The following SORCS2 variants were observed in gnomAD, a reference collection of about 807,000 sequenced individuals.
SORCS2 encodes the protein sortilin related VPS10 domain containing receptor 2.
SORCS2 carries 100 observed loss-of-function variants against 141.6 expected under a neutral mutation model. The ratio of observed to expected loss-of-function variants is 0.71; its 90% CI spans 0.60 to 0.83. SORCS2 has a LOEUF of 0.83. Ranked by LOEUF, SORCS2 falls within the 40% of genes least tolerant of loss-of-function variation. The probability of loss-of-function intolerance (pLI) is 0.00; values close to 1 mark genes in which losing one functional copy is unlikely to be tolerated. For missense variants in SORCS2, 1,646 were observed against 1,560.2 expected, an observed-to-expected ratio of 1.05 and a Z score of -0.93; for synonymous variants, 789 against 676.9, an observed-to-expected ratio of 1.17 and a Z score of -2.57.
At chr4:7,452,999 G>A (rs1398094634) in intron 2 of SORCS2, among the ~76,000 whole-genome samples, 4 of 103,426 alleles carry the variant, frequency 3.9e-5, no homozygotes, top group Non-Finnish European at 8.6e-5. Context: ...TCCGTGTTGG[G>A]GTCAGGCGCC....
At chr4:7,338,623 A>T (rs1190552940) in intron 1 of SORCS2, among the ~76,000 whole-genome samples, 1 of 152,148 alleles carries the variant, frequency 6.6e-6, no homozygotes, top group South Asian at 2.1e-4. Flanking sequence ...CTTTCTGTTC[A>T]GTCTCCTGCC....
At chr4:7,596,349 GT>G (rs1717276343) in intron 3 of SORCS2, among the ~76,000 whole-genome samples, 1 of 152,172 alleles carries the variant, frequency 6.6e-6, no homozygotes, top group Non-Finnish European at 1.5e-5. Context: ...TCTGGTTGAA[GT>G]GCCGACAGTG....
chr4:7,726,307 G>T (rs981383526), intron 20 of SORCS2, among the ~76,000 whole-genome samples: 1 of 152,226 alleles, frequency 6.6e-6, no homozygotes, highest in South Asian at 2.1e-4. Flanking sequence ...AAGGAAGGGG[G>T]TGCTGGGACC....
intron 1 of SORCS2, among the ~76,000 whole-genome samples, chr4:7,194,082 C>T (rs1350753247): frequency 6.6e-6 from 1 of 152,100 alleles, no homozygotes; most frequent in African/African-American, 2.4e-5. Flanking sequence ...TGGTGGGGCT[C>T]TAGTTTTGCA....
At chr4:7,466,650 C>A (rs1041521359) in intron 2 of SORCS2, among the ~76,000 whole-genome samples, 3 of 152,180 alleles carry the variant, frequency 2.0e-5, no homozygotes, top group Non-Finnish European at 4.4e-5. Context: ...CAGGCAGTAG[C>A]TGGTGAGGAC....
intron 3 of SORCS2, among the ~76,000 whole-genome samples, chr4:7,555,828 A>C (rs758523928): frequency 1.6e-4 from 24 of 152,142 alleles, no homozygotes; most frequent in Admixed American, 5.9e-4. Flanking sequence ...AAAGGTCCTG[A>C]GGCTGGAGAG....
chr4:7,194,745 G>A (rs1727068755), intron 1 of SORCS2, among the ~76,000 whole-genome samples: 3 of 152,164 alleles, frequency 2.0e-5, no homozygotes, highest in Admixed American at 6.5e-5. Context: ...CAAACGGTGT[G>A]TGCTCTACCA....
chr4:7,290,247 G>A (rs138387998), intron 1 of SORCS2, among the ~76,000 whole-genome samples: 138 of 152,284 alleles, frequency 9.1e-4, no homozygotes, highest in Middle Eastern at 3.4e-3. Context: ...CTAACACAGC[G>A]CCCGTCTACC....
chr4:7,277,539 G>A (rs1715582672), intron 1 of SORCS2, among the ~76,000 whole-genome samples: 1 of 152,182 alleles, frequency 6.6e-6, no homozygotes, highest in South Asian at 2.1e-4. Flanking sequence ...AATTTCTGGG[G>A]TAAGCTAAAG....
At chr4:7,501,432 G>A (rs1195904643) in intron 2 of SORCS2, among the ~76,000 whole-genome samples, 2 of 152,156 alleles carry the variant, frequency 1.3e-5, no homozygotes, top group Non-Finnish European at 2.9e-5. Context: ...CTTACTGTAG[G>A]ACACGGTGCC....
intron 14 of SORCS2, among the ~76,000 whole-genome samples, chr4:7,708,136 C>G (rs1725590860): frequency 6.6e-6 from 1 of 152,204 alleles, no homozygotes; most frequent in African/African-American, 2.4e-5. Context: ...AGCATGGGGA[C>G]TTAAACTCCA....
At chr4:7,580,263 C>G (rs536233477) in intron 3 of SORCS2, among the ~76,000 whole-genome samples, 1 of 152,334 alleles carries the variant, frequency 6.6e-6, no homozygotes, top group South Asian at 2.1e-4. Flanking sequence ...GGACAGTTAA[C>G]TTGAGGCCAG....
chr4:7,581,077 T>C (rs913054452), intron 3 of SORCS2, among the ~76,000 whole-genome samples: 1 of 151,556 alleles, frequency 6.6e-6, no homozygotes, highest in African/African-American at 2.4e-5. Context: ...CCCAAGATTA[T>C]GAAGCTAGAA....
intron 3 of SORCS2, among the ~76,000 whole-genome samples, chr4:7,589,783 C>A (rs1716789982): frequency 6.6e-6 from 1 of 152,198 alleles, no homozygotes; most frequent in Non-Finnish European, 1.5e-5. Flanking sequence ...CCCCATTCTA[C>A]AGAGAGGAAC....
chr4:7,729,283 G>A lies in SORCS2; in HGVS notation c.2983-304G>A, dbSNP rs75794487. Among the ~76,000 whole-genome samples the A allele has an allele frequency of 1.4e-3, 208 of 152,266 alleles. 2 individuals are homozygous for A. Among genetic ancestry groups the A allele is most frequent in the Middle Eastern group, 0.01 (3 of 294 alleles). On this transcript the variant is annotated intron_variant, in intron 22 of 26. Coordinates refer to ENST00000507866, the MANE Select transcript of SORCS2 (RefSeq NM_020777.3). ...TGGAGGACATTAGCCAGGGAGGAAG[G>A]TGCTGGTGCTCACTCTAGTCATGGT...
intron 3 of SORCS2, among the ~76,000 whole-genome samples, chr4:7,616,606 G>T (rs1718779724): frequency 6.6e-6 from 1 of 152,318 alleles, no homozygotes; most frequent in Admixed American, 6.5e-5. Flanking sequence ...CTGTGGGTTG[G>T]TTGGGTCACA....
chr4:7,736,371 C>T (rs1712167412), intron 25 of SORCS2, among the ~76,000 whole-genome samples: 6 of 152,252 alleles, frequency 3.9e-5, no homozygotes. Context: ...CGCCCCACCC[C>T]ATCCTGCCGT....
chr4:7,429,773 A>G (rs1726700528), intron 2 of SORCS2, among the ~76,000 whole-genome samples: 1 of 152,166 alleles, frequency 6.6e-6, no homozygotes, highest in Non-Finnish European at 1.5e-5. Context: ...GGGTGTGAGG[A>G]CAGAGAACAC....
intron 3 of SORCS2, among the ~76,000 whole-genome samples, chr4:7,573,900 C>T (rs568492140): frequency 9.3e-4 from 141 of 152,346 alleles, no homozygotes; most frequent in Middle Eastern, 3.4e-3. Flanking sequence ...CTGGCCTCCT[C>T]GCTGTGCTTG....
Sources: allele counts gnomAD v4.1 joint callset (sites outside exome capture counted in the v4.1 genomes callset), GRCh38; gene constraint gnomAD v4.1.1; transcripts MANE v1.5; gene names NCBI Gene and HGNC (gene_info 2026-07-23, HGNC 2026-07-21).